Variants in G3BP2 observed in about 807,000 individuals in gnomAD.
G3BP2 encodes G3BP stress granule assembly factor 2, also known as ras GTPase-activating protein-binding protein 2.
In G3BP2, 11 loss-of-function variants were observed where a neutral mutation model predicts 56.7. The observed-to-expected ratio is 0.19, with a 90% CI of 0.12 to 0.32. The LOEUF is 0.32. G3BP2 is among the 10% of genes least tolerant of loss of function. G3BP2 has a pLI of 1.00. For synonymous variants in G3BP2, 165 were observed against 191.6 expected (o/e 0.86, Z 1.15); for missense variants, 340 against 610.9 (o/e 0.56, Z 4.67).
At chr4:75,701,502 C>T (rs1300377069) in intron 3 of G3BP2, among the ~76,000 whole-genome samples, 1 of 151,974 alleles carries the variant, frequency 6.6e-6, no homozygotes, top group Non-Finnish European at 1.5e-5. Flanking sequence ...GATCTTGGCT[C>T]GCAGCAACCT....
intron 3 of G3BP2, among the ~76,000 whole-genome samples, chr4:75,712,514 A>T (rs1350815788): frequency 6.6e-6 from 1 of 152,190 alleles, no homozygotes; most frequent in Non-Finnish European, 1.5e-5. Context: ...ACAACTGACA[A>T]GAGGAAAGAT....
chr4:75,673,596 G>C (rs754917811), upstream of G3BP2: 39 of 1,231,612 alleles, frequency 3.2e-5, no homozygotes, highest in Non-Finnish European at 3.8e-5. Flanking sequence ...CCGGAAAGCC[G>C]GGGAACCGGA....
chr4:75,720,166 C>T (rs1366212197), intron 3 of G3BP2, among the ~76,000 whole-genome samples: 2 of 151,880 alleles, frequency 1.3e-5, no homozygotes, highest in African/African-American at 2.4e-5. Context: ...GCCCAGCTAC[C>T]AAAACCTTCT....
At chr4:75,681,031 A>G (rs1368759444) in intron 3 of G3BP2, among the ~76,000 whole-genome samples, 1 of 151,578 alleles carries the variant, frequency 6.6e-6, no homozygotes, top group Non-Finnish European at 1.5e-5. Flanking sequence ...TCTCTTAAAT[A>G]TAGTCAAATT....
chr4:75,663,032 GTCTC>G (rs777145060), intron 1 of G3BP2, among the ~76,000 whole-genome samples: 11 of 152,062 alleles, frequency 7.2e-5, no homozygotes, highest in East Asian at 1.9e-4. Context: ...TTGATATTAT[GTCTC>G]TCTTTCTTTC....
chr4:75,680,276 G>A (rs1456924207), intron 3 of G3BP2, among the ~76,000 whole-genome samples: 2 of 152,024 alleles, frequency 1.3e-5, no homozygotes, highest in Non-Finnish European at 2.9e-5. Flanking sequence ...CCTTCTGAGG[G>A]GGGATAGGAA....
chr4:75,702,712 C>T (rs1719396709), intron 3 of G3BP2, among the ~76,000 whole-genome samples: 1 of 152,160 alleles, frequency 6.6e-6, no homozygotes, highest in African/African-American at 2.4e-5. Flanking sequence ...GATGTCCCTA[C>T]CTATGCCATC....
intron 3 of G3BP2, among the ~76,000 whole-genome samples, chr4:75,686,771 C>A (rs1206706999): frequency 1.3e-5 from 2 of 152,244 alleles, no homozygotes; most frequent in African/African-American, 4.8e-5. Context: ...AAATAAAATA[C>A]ATTCTAGCAA....
intron 4 of G3BP2, 94 bp downstream of exon 4, chr4:75,657,462 CA>C (rs1439411980): frequency 1.1e-6 from 1 of 871,108 alleles, no homozygotes; most frequent in African/African-American, 1.7e-5. Flanking sequence ...CCAAAAATAA[CA>C]ATATGCAAAT....
chr4:75,656,939 G>A lies in G3BP2; in HGVS notation c.427C>T (p.Pro143Ser). 6.6e-7 allele frequency: 1 copy of A among 1,509,026 alleles called. No individual in the cohort carries two copies. The highest frequency in any genetic ancestry group is 9.2e-7 in the Non-Finnish European group (1 of 1,090,156). The allele number at this position is 1,509,026 out of a possible 1,614,324, so 93.5% of individuals were successfully genotyped here. A position where few individuals can be genotyped will look rare whatever the true frequency, so the allele number is the denominator to read the frequency against. Residue 143 changes from proline (P) to serine (S), a missense_variant, in exon 5 of 12, where the codon CCT becomes TCT. Coordinates refer to ENST00000359707, the MANE Select transcript of G3BP2 (RefSeq NM_203505.3). Reference sequence around the variant, plus strand: ...GTAACCTCACCTTCATCAAGTTCAGGCTCAGAATCACCAAACACTTCATCT... The same window carrying A: ...GTAACCTCACCTTCATCAAGTTCAGACTCAGAATCACCAAACACTTCATCT... ...YEDEVFGDSE[P>S]ELDEESEDEV...
At chr4:75,657,807 T>G in intron 3 of G3BP2, 77 bp from the exon 4 acceptor site, 1 of 897,764 alleles carries the variant, frequency 1.1e-6, no homozygotes, top group South Asian at 1.6e-5. Context: ...CTACCCTCAT[T>G]GATTTCCTTA....
At chr4:75,673,548 C>T (rs1183110151), upstream of G3BP2, 1 of 1,232,060 alleles carries the variant, frequency 8.1e-7, no homozygotes, top group African/African-American at 1.6e-5. Flanking sequence ...CTCTGCGGAG[C>T]ACGCGCAGTA....
rs534397754 is a variant in G3BP2 at position 75,657,472 on chromosome 4, A to T, written c.351+85T>A. On this transcript the variant is annotated intron_variant, in intron 4 of 11. Transcript: ENST00000359707. ...ATTCCCCAAAAATAACAATATGCAAATCTAAACCTATTAGAAGAAACCTCT... is the reference window on the plus strand; with the variant it reads ...ATTCCCCAAAAATAACAATATGCAATTCTAAACCTATTAGAAGAAACCTCT... 30 of 982,988 alleles carry T rather than the reference A, an allele frequency of 3.1e-5. No individual in the cohort carries two copies. In the African/African-American group the frequency reaches 4.4e-4, roughly 14 times the overall value. The allele number at this position is 982,988 out of a possible 1,614,324, so 60.9% of individuals were successfully genotyped here.
chr4:75,659,410 C>G (rs1265473049), intron 2 of G3BP2, among the ~76,000 whole-genome samples: 1 of 152,154 alleles, frequency 6.6e-6, no homozygotes, highest in Non-Finnish European at 1.5e-5. Flanking sequence ...TTTAAAATAA[C>G]TGAAATAATT....
intron 3 of G3BP2, among the ~76,000 whole-genome samples, chr4:75,689,262 AC>A (rs1380638191): frequency 1.3e-5 from 2 of 151,958 alleles, no homozygotes; most frequent in Admixed American, 1.3e-4. Flanking sequence ...CTGTAATCCC[AC>A]CTACTGGGGA....
At chr4:75,692,826 G>A (rs555141045) in intron 3 of G3BP2, among the ~76,000 whole-genome samples, 10 of 152,348 alleles carry the variant, frequency 6.6e-5, no homozygotes, top group African/African-American at 2.4e-4. Flanking sequence ...AACATGGAGG[G>A]TCTTGAAGGG....
chr4:75,687,280 A>G (rs780946928), intron 3 of G3BP2, among the ~76,000 whole-genome samples: 5 of 152,162 alleles, frequency 3.3e-5, no homozygotes, highest in Non-Finnish European at 7.4e-5. Context: ...AATAAGTCTC[A>G]TAAGATCTGA....
At chr4:75,715,681 T>A (rs1719902263) in intron 3 of G3BP2, among the ~76,000 whole-genome samples, 1 of 152,034 alleles carries the variant, frequency 6.6e-6, no homozygotes. Context: ...TGCAACAGAG[T>A]TAAAGGTGCA....
chr4:75,678,077 A>G (rs1211162527), upstream of G3BP2, among the ~76,000 whole-genome samples: 2 of 152,166 alleles, frequency 1.3e-5, no homozygotes, highest in East Asian at 3.8e-4. Flanking sequence ...ATCTTGAACT[A>G]CTCAGCCTTT....
Sources: gnomAD v4.1 joint callset for allele counts (sites outside exome capture counted in the v4.1 genomes callset) on GRCh38, gnomAD v4.1.1 for gene constraint, MANE v1.5 for transcripts, NCBI Gene and HGNC (gene_info 2026-07-23, HGNC 2026-07-21) for gene names.